The following PPEF2 variants were observed in gnomAD, a reference collection of about 807,000 sequenced individuals.
The protein encoded by PPEF2 is serine/threonine-protein phosphatase with EF-hands 2.
A neutral mutation model predicts 84.7 loss-of-function variants in PPEF2; 84 were observed. That is an observed-to-expected ratio of 0.99 (90% CI 0.83 to 1.19). The LOEUF (loss-of-function observed/expected upper bound fraction) is 1.19. Ranked by LOEUF, PPEF2 falls within the 50% of genes most tolerant of loss-of-function variation. The pLI is 0.00. For synonymous variants in PPEF2, 346 were observed against 345.2 expected, an observed-to-expected ratio of 1.00 and a Z score of -0.03; for missense variants, 924 against 937.5, an observed-to-expected ratio of 0.99 and a Z score of 0.19.
intron 10 of PPEF2, among the ~76,000 whole-genome samples, chr4:75,879,346 C>T (rs938811141): frequency 6.6e-6 from 1 of 152,182 alleles, no homozygotes; most frequent in Admixed American, 6.6e-5. Flanking sequence ...GTAGCTGCTT[C>T]CTACTTTAAC....
Position 75,860,575 on chromosome 4 carries a change from A to G in PPEF2, c.*92T>C. 1 of 1,505,338 alleles carries G rather than the reference A, an allele frequency of 6.6e-7. No individual in the cohort carries two copies. The highest frequency in any genetic ancestry group is 9.0e-7 in the Non-Finnish European group (1 of 1,106,700). 93.2% of individuals were successfully genotyped at this position (1,505,338 alleles called of 1,614,324 possible). ...GCATATGGATAGGTAAATTTTCAGC[A>G]TAAAGTTTCACATGGAGAATAAGGG... On this transcript the variant is annotated 3_prime_UTR_variant, in exon 17 of 17. Coordinates refer to ENST00000286719, the MANE Select transcript of PPEF2 (RefSeq NM_006239.3).
intron 16 of PPEF2, among the ~76,000 whole-genome samples, chr4:75,861,769 C>CCCT: frequency 7.0e-6 from 1 of 141,886 alleles, no homozygotes; most frequent in African/African-American, 2.5e-5. Flanking sequence ...GCCACCACTC[C>CCCT]CGGCTAATTT....
rs1392498140 is a variant in PPEF2, at chr4:75,876,580, G to T, written c.1027C>A (p.Pro343Thr). The change falls in exon 11 of 17, where the codon CCC (proline) becomes ACC (threonine). Residue 343 changes from proline to threonine, a missense_variant. Transcript: ENST00000286719. ...RANQKSSAQG[P>T]IPWFLPESRS... ...CTTTCGGGGAGAAACCATGGGATGG[G>T]TCCCTGTGCAGAGCTCTTCTGGTTG... 1 of 1,613,968 alleles carries T rather than the reference G, an allele frequency of 6.2e-7. No homozygotes were observed. The highest frequency in any genetic ancestry group is 8.5e-7 in the Non-Finnish European group (1 of 1,179,942).
intron 8 of PPEF2, among the ~76,000 whole-genome samples, chr4:75,883,981 A>T (rs574789501): frequency 2.7e-5 from 4 of 150,630 alleles, no homozygotes; most frequent in Admixed American, 6.6e-5. Flanking sequence ...ATACAAAAAA[A>T]AATTAGCCGG....
At chr4:75,883,335 A>G in intron 8 of PPEF2, 133 bp from the exon 9 acceptor site, 2 of 795,346 alleles carry the variant, frequency 2.5e-6, no homozygotes, top group Non-Finnish European at 4.1e-6. Flanking sequence ...AGGAATAATC[A>G]CCAAAATGTT....
chr4:75,878,358 T>C (rs1261922182), intron 10 of PPEF2, among the ~76,000 whole-genome samples: 3 of 152,236 alleles, frequency 2.0e-5, no homozygotes, highest in Non-Finnish European at 2.9e-5. Flanking sequence ...CTCAGTGCTA[T>C]GGTGAACCCC....
chr4:75,868,185 G>A lies in PPEF2; in HGVS notation c.1650-766C>T, dbSNP rs150893413. On this transcript the variant is annotated intron_variant, in intron 13 of 16. Coordinates refer to ENST00000286719, the MANE Select transcript of PPEF2 (RefSeq NM_006239.3). Reference sequence around the variant, plus strand: ...AAAAAAATTAGCCAGGCGTGGTGGCGTGTCCCTGTAGTCCCAGATGCTTGT... The same window carrying A: ...AAAAAAATTAGCCAGGCGTGGTGGCATGTCCCTGTAGTCCCAGATGCTTGT... 6.9e-3 allele frequency among the ~76,000 whole-genome samples: 1,039 copies of A among 151,188 alleles called. 14 individuals are homozygous for A. Among genetic ancestry groups the A allele is most frequent in the African/African-American group, 0.023 (949 of 41,212 alleles).
At chr4:75,894,420 G>T (rs932996280) in intron 2 of PPEF2, among the ~76,000 whole-genome samples, 9 of 152,198 alleles carry the variant, frequency 5.9e-5, no homozygotes, top group African/African-American at 2.2e-4. Context: ...TGCTTAAGCA[G>T]ATGTAGGACT....
intron 2 of PPEF2, among the ~76,000 whole-genome samples, chr4:75,895,595 G>C (rs564552441): frequency 6.6e-6 from 1 of 151,440 alleles, no homozygotes; most frequent in South Asian, 2.1e-4. Flanking sequence ...AGCCAGGCGT[G>C]GTCGCGGGCG....
At chr4:75,887,621 A>C (rs1272851984) in intron 6 of PPEF2, among the ~76,000 whole-genome samples, 6 of 4,278 alleles carry the variant, frequency 1.4e-3, no homozygotes, top group African/African-American at 2.1e-3. Flanking sequence ...ACTGTGTCTC[A>C]AAAAAAAAAA....
chr4:75,891,377 G>A (rs1023502409), intron 4 of PPEF2, among the ~76,000 whole-genome samples: 4 of 152,046 alleles, frequency 2.6e-5, no homozygotes, highest in South Asian at 2.1e-4. Flanking sequence ...GACTGGCTGC[G>A]ATTCCTTTCC....
At chr4:75,877,120 C>T (rs1724446222) in intron 10 of PPEF2, among the ~76,000 whole-genome samples, 2 of 151,736 alleles carry the variant, frequency 1.3e-5, no homozygotes, top group African/African-American at 4.8e-5. Flanking sequence ...TGATCACCTG[C>T]CTGAATTGGG....
intron 13 of PPEF2, among the ~76,000 whole-genome samples, chr4:75,870,609 G>A (rs1724243945): frequency 6.6e-6 from 1 of 152,080 alleles, no homozygotes; most frequent in African/African-American, 2.4e-5. Flanking sequence ...GGCCATCTTC[G>A]TTGTAGGAGG....
rs1437505165 is a variant in PPEF2 at position 75,882,819 on chromosome 4, C to CT, written c.933+106dup. ...CCATACTCTTAATGGCCTCCACACT[C>CT]TTAACAGCCATAATCAGTTGACTGC... On this transcript the variant is annotated intron_variant, in intron 10 of 16. Transcript: ENST00000286719. 8 of 1,284,258 alleles carry CT rather than the reference C, an allele frequency of 6.2e-6. No individual in the cohort carries two copies. The East Asian group carries it at 9.4e-5, about 15-fold the overall frequency. The allele number at this position is 1,284,258 out of a possible 1,614,324, so 79.6% of individuals were successfully genotyped here. A position where few individuals can be genotyped will look rare whatever the true frequency, so the allele number is the denominator to read the frequency against.
At chr4:75,868,490 G>A (rs1052064227) in intron 13 of PPEF2, among the ~76,000 whole-genome samples, 5 of 151,966 alleles carry the variant, frequency 3.3e-5, no homozygotes, top group Admixed American at 3.3e-4. Flanking sequence ...TGCAATTGAA[G>A]GCATTTAACA....
intron 5 of PPEF2, 133 bp from the exon 6 acceptor site, chr4:75,888,461 A>C: frequency 1.6e-6 from 1 of 613,896 alleles, no homozygotes; most frequent in South Asian, 2.0e-5. Flanking sequence ...TGCTCCTGGG[A>C]CTATGCACGG....
intron 7 of PPEF2, among the ~76,000 whole-genome samples, chr4:75,886,242 G>T (rs1724719517): frequency 6.6e-6 from 1 of 152,164 alleles, no homozygotes; most frequent in Non-Finnish European, 1.5e-5. Flanking sequence ...GGCCTCAGTT[G>T]GCCTCGGATA....
In PPEF2 at chr4:75,900,452, C is replaced by A. The variant is rs547281846; in HGVS notation, c.-59+1778G>T. Among the ~76,000 whole-genome samples, 7 of 152,188 alleles carry A rather than the reference C, an allele frequency of 4.6e-5. No homozygotes were observed. In the East Asian group the frequency reaches 1.2e-3, roughly 25 times the overall value. Reference sequence around the variant, plus strand: ...ACTAACTCTTGGTGACCTTTTGTCACCAAGGACAAAAAGGATATGTTTTCC... The same window carrying A: ...ACTAACTCTTGGTGACCTTTTGTCAACAAGGACAAAAAGGATATGTTTTCC... On this transcript the variant is annotated intron_variant, in intron 1 of 16. Transcript: ENST00000286719.
At chr4:75,871,869 CTAA>C (rs1254302159) in intron 13 of PPEF2, among the ~76,000 whole-genome samples, 153 bp downstream of exon 13, 1 of 152,162 alleles carries the variant, frequency 6.6e-6, no homozygotes, top group Non-Finnish European at 1.5e-5. Flanking sequence ...GACTCCTACT[CTAA>C]TGTCTATTGT....
Sources: gnomAD v4.1 joint callset for allele counts (sites outside exome capture counted in the v4.1 genomes callset) on GRCh38, gnomAD v4.1.1 for gene constraint, MANE v1.5 for transcripts, NCBI Gene and HGNC (gene_info 2026-07-23, HGNC 2026-07-21) for gene names.